The following WDR70 variants were observed in gnomAD, a reference collection of about 807,000 sequenced individuals.
The protein encoded by WDR70 is WD repeat domain 70, also known as WD repeat-containing protein 70.
A neutral mutation model predicts 88.6 loss-of-function variants in WDR70; 53 were observed. That is an observed-to-expected ratio of 0.60 (90% CI 0.48 to 0.75). The LOEUF is 0.75. Among genes scored for constraint, WDR70 ranks in the 30% least tolerant of loss-of-function variants. The pLI is 0.00. For synonymous variants in WDR70, 280 were observed against 270.0 expected (o/e 1.04, Z -0.36); for missense variants, 610 against 823.2 (o/e 0.74, Z 3.17).
intron 9 of WDR70, among the ~76,000 whole-genome samples, chr5:37,528,682 T>C (rs1741384822): frequency 6.6e-6 from 1 of 152,198 alleles, no homozygotes; most frequent in African/African-American, 2.4e-5. Context: ...TTTGTTTTTC[T>C]TATTTGATTT....
chr5:37,702,863 T>A (rs1259262128), intron 12 of WDR70, 86 bp from the exon 13 acceptor site: 3 of 1,383,908 alleles, frequency 2.2e-6, no homozygotes, highest in South Asian at 2.9e-5. Context: ...GTTACAGAGA[T>A]GTTTATATTT....
intron 5 of WDR70, among the ~76,000 whole-genome samples, chr5:37,402,822 C>T (rs1024882405): frequency 5.3e-5 from 8 of 151,988 alleles, no homozygotes; most frequent in African/African-American, 1.9e-4. Context: ...TTCCCAGCCT[C>T]TAGTAGTCAC....
intron 9 of WDR70, among the ~76,000 whole-genome samples, chr5:37,551,100 T>C (rs2112348764): frequency 6.6e-6 from 1 of 151,904 alleles, no homozygotes; most frequent in Non-Finnish European, 1.5e-5. Flanking sequence ...GGTCAGGAGT[T>C]CAAGACCAGC....
chr5:37,441,529 G>C (rs1176048957), intron 6 of WDR70, among the ~76,000 whole-genome samples: 1 of 151,990 alleles, frequency 6.6e-6, no homozygotes, highest in Admixed American at 6.6e-5. Context: ...TATGTAAAAC[G>C]TTGACTCTGG....
At chr5:37,591,711 C>G (rs1056660375) in intron 9 of WDR70, among the ~76,000 whole-genome samples, 3 of 152,162 alleles carry the variant, frequency 2.0e-5, no homozygotes, top group African/African-American at 7.2e-5. Context: ...TGATGCCTAA[C>G]GCAAAGTCAC....
chr5:37,500,891 C>T (rs1412583052), intron 8 of WDR70, among the ~76,000 whole-genome samples: 2 of 151,814 alleles, frequency 1.3e-5, no homozygotes, highest in East Asian at 1.9e-4. Context: ...GTGTGCGCCA[C>T]CACACCTGGC....
intron 8 of WDR70, among the ~76,000 whole-genome samples, chr5:37,483,257 CA>C (rs1177409470): frequency 6.6e-6 from 1 of 151,714 alleles, no homozygotes; most frequent in Non-Finnish European, 1.5e-5. Flanking sequence ...CGGCCTTCCG[CA>C]GTGTTTGTGT....
chr5:37,737,636 A>G (rs1296684810), intron 17 of WDR70, among the ~76,000 whole-genome samples: 1 of 152,198 alleles, frequency 6.6e-6, no homozygotes, highest in East Asian at 1.9e-4. Flanking sequence ...AAATTGTGGC[A>G]CACAGTTATA....
chr5:37,440,317 A>G (rs1170682829), intron 6 of WDR70, among the ~76,000 whole-genome samples: 1 of 152,152 alleles, frequency 6.6e-6, no homozygotes, highest in Admixed American at 6.5e-5. Context: ...GTTAAAACTG[A>G]AAATTTGTGC....
At chr5:37,695,930 T>G (rs1746967953) in intron 10 of WDR70, among the ~76,000 whole-genome samples, 1 of 152,208 alleles carries the variant, frequency 6.6e-6, no homozygotes, top group Admixed American at 6.5e-5. Context: ...CTCCTGCTCC[T>G]GCAACTGCTA....
chr5:37,551,745 A>AT (rs1485318740), intron 9 of WDR70, among the ~76,000 whole-genome samples: 1 of 115,534 alleles, frequency 8.7e-6, no homozygotes, highest in African/African-American at 3.6e-5. Flanking sequence ...AAAAAAAATT[A>AT]TTTTTTATTG....
At chr5:37,621,040 A>G (rs1380200785) in intron 10 of WDR70, among the ~76,000 whole-genome samples, 1 of 151,952 alleles carries the variant, frequency 6.6e-6, no homozygotes, top group Non-Finnish European at 1.5e-5. Context: ...GTATGCCACT[A>G]GAAATCACCT....
intron 4 of WDR70, 93 bp downstream of exon 4, chr5:37,392,213 T>G: frequency 7.3e-7 from 1 of 1,376,980 alleles, no homozygotes. Flanking sequence ...TGAGATGGAG[T>G]CTTGCTCTAT....
chr5:37,424,544 A>G (rs1055233219), intron 5 of WDR70, among the ~76,000 whole-genome samples: 4 of 151,432 alleles, frequency 2.6e-5, no homozygotes, highest in African/African-American at 7.3e-5. Flanking sequence ...AGCTGAAACT[A>G]CAAGTGCGCA....
At chr5:37,569,640 C>T (rs1742843610) in intron 9 of WDR70, among the ~76,000 whole-genome samples, 1 of 152,144 alleles carries the variant, frequency 6.6e-6, no homozygotes, top group African/African-American at 2.4e-5. Flanking sequence ...TTTAGTCATA[C>T]CACAAATTGC....
At chr5:37,692,890 T>C (rs967651289) in intron 10 of WDR70, among the ~76,000 whole-genome samples, 12 of 137,452 alleles carry the variant, frequency 8.7e-5, no homozygotes, top group Non-Finnish European at 1.8e-4. Context: ...GAGAAAGAAA[T>C]AAAGGTATTC....
At chr5:37,584,374 A>T (rs1017880832) in intron 9 of WDR70, among the ~76,000 whole-genome samples, 1 of 152,232 alleles carries the variant, frequency 6.6e-6, no homozygotes, top group Non-Finnish European at 1.5e-5. Flanking sequence ...TTTGTTAGAG[A>T]TATCGAAAAG....
intron 9 of WDR70, among the ~76,000 whole-genome samples, chr5:37,576,759 G>A (rs1393718780): frequency 1.1e-5 from 1 of 92,710 alleles, no homozygotes; most frequent in Non-Finnish European, 2.3e-5. Flanking sequence ...TAAATATTTG[G>A]TAGTCTTTTT....
At chr5:37,573,808 GGTTCTCAGT>G (rs1349837488) in intron 9 of WDR70, among the ~76,000 whole-genome samples, 1 of 151,890 alleles carries the variant, frequency 6.6e-6, no homozygotes, top group Non-Finnish European at 1.5e-5. Flanking sequence ...CCCTCTTCAG[GGTTCTCAGT>G]GACCTTCATT....
Sources: allele counts gnomAD v4.1 joint callset (sites outside exome capture counted in the v4.1 genomes callset), GRCh38; gene constraint gnomAD v4.1.1; transcripts MANE v1.5; gene names NCBI Gene and HGNC (gene_info 2026-07-23, HGNC 2026-07-21).